GRM8: variants seen among roughly 807,000 people sequenced by gnomAD.
The protein encoded by GRM8 is metabotropic glutamate receptor 8.
A neutral mutation model predicts 87.2 loss-of-function variants in GRM8; 47 were observed. The observed-to-expected ratio is 0.54, with a 90% CI of 0.43 to 0.69. The LOEUF is 0.69. Among genes scored for constraint, GRM8 ranks in the 30% least tolerant of loss-of-function variants. GRM8 has a pLI of 0.00. For synonymous variants in GRM8, 396 were observed against 404.5 expected (o/e 0.98, Z 0.25); for missense variants, 1,019 against 1,139.2 (o/e 0.89, Z 1.52).
At chr7:126,789,840 T>G (rs1042075910) in intron 6 of GRM8, among the ~76,000 whole-genome samples, 2 of 152,230 alleles carry the variant, frequency 1.3e-5, no homozygotes, top group Admixed American at 6.5e-5. Flanking sequence ...AGTTATGTCG[T>G]ATATTCTCAG....
intron 7 of GRM8, among the ~76,000 whole-genome samples, chr7:126,621,111 A>G (rs1403607654): frequency 6.6e-6 from 1 of 152,210 alleles, no homozygotes; most frequent in Non-Finnish European, 1.5e-5. Context: ...GCAATTTTCA[A>G]CAGTGTCTCA....
intron 7 of GRM8, among the ~76,000 whole-genome samples, chr7:126,693,376 C>A (rs1201377348): frequency 1.3e-5 from 2 of 152,042 alleles, no homozygotes; most frequent in Non-Finnish European, 2.9e-5. Flanking sequence ...TAATAATTAA[C>A]AATAAGACTG....
At chr7:126,664,308 A>G (rs942844475) in intron 7 of GRM8, among the ~76,000 whole-genome samples, 3 of 152,216 alleles carry the variant, frequency 2.0e-5, no homozygotes, top group Admixed American at 1.3e-4. Flanking sequence ...TATGGAACCA[A>G]AAAAGAGCCC....
At chr7:126,525,773 CTTCT>C (rs1351369320) in intron 9 of GRM8, among the ~76,000 whole-genome samples, 3 of 152,160 alleles carry the variant, frequency 2.0e-5, no homozygotes, top group East Asian at 1.9e-4. Flanking sequence ...TCCTTCTAGT[CTTCT>C]TTCTTTTTTA....
intron 7 of GRM8, among the ~76,000 whole-genome samples, chr7:126,695,243 A>C (rs989778273): frequency 2.6e-5 from 4 of 152,206 alleles, no homozygotes; most frequent in African/African-American, 9.6e-5. Context: ...TATTATGAAG[A>C]AAATGAGAAA....
At chr7:127,044,354 A>G (rs1489476639) in intron 3 of GRM8, among the ~76,000 whole-genome samples, 2 of 152,192 alleles carry the variant, frequency 1.3e-5, no homozygotes, top group African/African-American at 4.8e-5. Context: ...AGGAAGATCA[A>G]TCTGGGTGGC....
chr7:126,800,611 C>G (rs1005356630), intron 6 of GRM8, among the ~76,000 whole-genome samples: 2 of 152,096 alleles, frequency 1.3e-5, no homozygotes, highest in African/African-American at 4.8e-5. Context: ...CATGAAGTTT[C>G]AAAGAATATC....
intron 7 of GRM8, among the ~76,000 whole-genome samples, chr7:126,757,679 C>G (rs926256899): frequency 6.6e-6 from 1 of 152,106 alleles, no homozygotes; most frequent in African/African-American, 2.4e-5. Flanking sequence ...AAGGACTTTT[C>G]TCTGATTGAG....
At chr7:127,024,215 T>G (rs2132242421) in intron 3 of GRM8, among the ~76,000 whole-genome samples, 1 of 152,240 alleles carries the variant, frequency 6.6e-6, no homozygotes, top group South Asian at 2.1e-4. Flanking sequence ...GTGCATATTC[T>G]TATAAGGATT....
At chr7:126,947,709 C>T (rs1031010997) in intron 3 of GRM8, among the ~76,000 whole-genome samples, 2 of 152,054 alleles carry the variant, frequency 1.3e-5, no homozygotes, top group African/African-American at 4.8e-5. Flanking sequence ...ATAAAACAAC[C>T]TTTTCATTCC....
chr7:127,198,139 T>C (rs1795390298), intron 2 of GRM8, among the ~76,000 whole-genome samples: 1 of 152,246 alleles, frequency 6.6e-6, no homozygotes, highest in Admixed American at 6.5e-5. Context: ...TTTTGATACA[T>C]GTATATAATG....
At chr7:126,554,207 T>C (rs1022751687) in intron 8 of GRM8, among the ~76,000 whole-genome samples, 3 of 148,606 alleles carry the variant, frequency 2.0e-5, no homozygotes, top group African/African-American at 5.2e-5. Context: ...AGACATAAGA[T>C]TTTTTTAAAT....
chr7:126,661,671 T>C (rs1195717579), intron 7 of GRM8, among the ~76,000 whole-genome samples: 2 of 152,172 alleles, frequency 1.3e-5, no homozygotes, highest in Non-Finnish European at 2.9e-5. Context: ...GCAAATGGGC[T>C]GTGGGGAGAC....
At chr7:127,043,112 A>C (rs1293806974) in intron 3 of GRM8, among the ~76,000 whole-genome samples, 6 of 152,196 alleles carry the variant, frequency 3.9e-5, no homozygotes, top group Non-Finnish European at 8.8e-5. Flanking sequence ...AAGTCAGGAA[A>C]CAACAGGTGC....
chr7:126,722,309 T>C (rs568393418), intron 7 of GRM8, among the ~76,000 whole-genome samples: 125 of 152,272 alleles, frequency 8.2e-4, no homozygotes, highest in Non-Finnish European at 9.3e-4. Flanking sequence ...CTAGATTCTA[T>C]TTTGTTATCC....
intron 2 of GRM8, among the ~76,000 whole-genome samples, chr7:127,145,759 C>T (rs1231235531): frequency 6.6e-6 from 1 of 151,922 alleles, no homozygotes; most frequent in Non-Finnish European, 1.5e-5. Flanking sequence ...CGGAACAAAC[C>T]CTGCTCTGAG....
chr7:126,935,565 G>C (rs1806226611), intron 3 of GRM8, among the ~76,000 whole-genome samples: 1 of 152,176 alleles, frequency 6.6e-6, no homozygotes, highest in African/African-American at 2.4e-5. Context: ...TTCAAGGTCT[G>C]AATGAGACAA....
intron 8 of GRM8, among the ~76,000 whole-genome samples, chr7:126,574,402 G>A (rs1794939002): frequency 6.6e-6 from 1 of 152,154 alleles, no homozygotes; most frequent in African/African-American, 2.4e-5. Flanking sequence ...TTGGCAAGCA[G>A]TCCAGTAAGT....
At chr7:126,637,463 T>G (rs2151192982) in intron 7 of GRM8, among the ~76,000 whole-genome samples, 1 of 152,186 alleles carries the variant, frequency 6.6e-6, no homozygotes, top group South Asian at 2.1e-4. Flanking sequence ...TATATTTTAC[T>G]GTAATTTAAA....
Sources: gnomAD v4.1 joint callset for allele counts (sites outside exome capture counted in the v4.1 genomes callset) on GRCh38, gnomAD v4.1.1 for gene constraint, MANE v1.5 for transcripts, NCBI Gene and HGNC (gene_info 2026-07-23, HGNC 2026-07-21) for gene names.